Variants in HEXD observed in about 807,000 individuals in gnomAD.
HEXD encodes N-acetyl-beta-galactosaminidase.
Under a neutral mutation model 54.2 loss-of-function variants are expected in HEXD, and 47 were observed. The observed-to-expected ratio is 0.87, with a 90% CI of 0.69 to 1.11. The LOEUF (loss-of-function observed/expected upper bound fraction) is 1.11. Ranked by LOEUF, HEXD falls within the 50% of genes least tolerant of loss-of-function variation. HEXD has a pLI of 0.00. For synonymous variants in HEXD, 293 were observed against 287.6 expected (o/e 1.02, Z -0.19); for missense variants, 576 against 649.2 (o/e 0.89, Z 1.23).
intron 4 of HEXD, 27 bp downstream of exon 4, chr17:82,428,672 G>C: frequency 6.3e-7 from 1 of 1,598,208 alleles, no homozygotes; most frequent in Non-Finnish European, 8.6e-7. Flanking sequence ...GAAGTTACCT[G>C]GTGCCAGGTG....
intron 5 of HEXD, among the ~76,000 whole-genome samples, chr17:82,435,252 G>A (rs572064432): frequency 2.0e-4 from 30 of 152,264 alleles, no homozygotes; most frequent in East Asian, 1.2e-3. Context: ...AGGCCCCGGC[G>A]ACCACGGTCT....
At position 82,424,401 on chromosome 17, in the gene HEXD, C is replaced by T; in HGVS notation, c.92C>T (p.Pro31Leu). The change falls in exon 3 of 13, where the codon CCT becomes CTT. Residue 31 changes from proline to leucine, a missense_variant. By Grantham distance (98) the Pro-to-Leu change is moderately conservative (BLOSUM62 -3). Coordinates refer to ENST00000327949, the MANE Select transcript of HEXD (RefSeq NM_001330542.2). ...TCCCTGTTTACCCCCCAGATTTTTC[C>T]TCTGTTCCGTGCGCTAGGTGCAAAC... ...PKVSYLSEIF[P>L]LFRALGANGL... 1 of 1,613,480 alleles carries T rather than the reference C, an allele frequency of 6.2e-7. No homozygotes were observed. Among genetic ancestry groups the T allele is most frequent in the South Asian group, 1.1e-5 (1 of 91,050 alleles).
At chr17:82,418,766 C>G (rs1451721281) in intron 1 of HEXD, 26 bp downstream of exon 1, 2 of 153,090 alleles carry the variant, frequency 1.3e-5, no homozygotes, top group African/African-American at 4.8e-5. Context: ...GGCTCTGGCT[C>G]TGCGCGCTAG....
chr17:82,433,867 C>T (rs774387152), intron 5 of HEXD, 45 bp downstream of exon 5: 3 of 1,523,542 alleles, frequency 2.0e-6, no homozygotes, highest in African/African-American at 2.9e-5. Flanking sequence ...TCTCCCCTAT[C>T]ATGGCTTGTC....
At chr17:82,439,225 G>A (rs1479612374) in intron 8 of HEXD, among the ~76,000 whole-genome samples, 1 of 152,234 alleles carries the variant, frequency 6.6e-6, no homozygotes, top group African/African-American at 2.4e-5. Flanking sequence ...AGCCGAGGGA[G>A]AGGGTGGGGC....
intron 2 of HEXD, among the ~76,000 whole-genome samples, chr17:82,423,022 A>C (rs945905542): frequency 6.6e-6 from 1 of 151,438 alleles, no homozygotes; most frequent in Non-Finnish European, 1.5e-5. Flanking sequence ...GTGCCACTGC[A>C]CTCCATCCTG....
At chr17:82,419,648 A>G (rs1048365888) in intron 1 of HEXD, 101 bp from the exon 2 acceptor site, 1 of 526,610 alleles carries the variant, frequency 1.9e-6, no homozygotes, top group Non-Finnish European at 3.5e-6. Context: ...AAGTTAATCT[A>G]TCAAAACTGG....
chr17:82,436,734 C>T lies in HEXD; in HGVS notation c.699C>T (p.Gly233=). ...WDYTADLDVH[G]KVLLMQKYRR... The stretch of plus-strand genomic sequence containing the variant: ...ACACGGCCGACCTGGATGTGCACGG[C>T]AAGGGTCAGTGCCAAGTTGTGGGGG... Residue 233 remains glycine, a synonymous_variant, in exon 7 of 13, where the codon GGC becomes GGT. Coordinates refer to ENST00000327949, the MANE Select transcript of HEXD (RefSeq NM_001330542.2). 1 of 1,611,902 alleles carries T rather than the reference C, an allele frequency of 6.2e-7. No individual in the cohort carries two copies. Among genetic ancestry groups the T allele is most frequent in the Middle Eastern group, 1.7e-4 (1 of 5,992 alleles).
chr17:82,433,729 C>G lies in HEXD; in HGVS notation c.354C>G (p.His118Gln). 1 of 1,613,280 alleles carries G rather than the reference C, an allele frequency of 6.2e-7. No individual in the cohort carries two copies. Among genetic ancestry groups the G allele is most frequent in the Non-Finnish European group, 8.5e-7 (1 of 1,179,864 alleles). The change falls in exon 5 of 13, where the codon CAC becomes CAG. Residue 118 changes from histidine (H) to glutamine (Q), a missense_variant. By Grantham distance (24) the His-to-Gln change is conservative (BLOSUM62 0). Coordinates refer to ENST00000327949, the MANE Select transcript of HEXD (RefSeq NM_001330542.2). ...VGSFPCTLNP[H>Q]EAESLALVGA... ...CCTTCCCCTGCACCCTGAACCCCCA[C>G]GAGGCAGAGTCCCTGGCGCTGGTGG...
At chr17:82,420,713 G>A (rs1050382679) in intron 2 of HEXD, among the ~76,000 whole-genome samples, 5 of 152,152 alleles carry the variant, frequency 3.3e-5, no homozygotes, top group African/African-American at 1.2e-4. Flanking sequence ...GATTACAGGT[G>A]CCTGCCACCA....
chr17:82,440,974 G>C (rs753130916), intron 9 of HEXD, 23 bp from the exon 10 acceptor site: 2 of 1,612,684 alleles, frequency 1.2e-6, no homozygotes, highest in African/African-American at 1.3e-5. Context: ...CCCTCCAACC[G>C]CCCCGCTCAT....
At chr17:82,441,730 G>C (rs897234240) in intron 11 of HEXD, 70 bp from the exon 12 acceptor site, 1 of 1,139,894 alleles carries the variant, frequency 8.8e-7, no homozygotes, top group Non-Finnish European at 1.3e-6. Flanking sequence ...AACATTTTCT[G>C]TATTACTGCA....
At chr17:82,438,013 G>A (rs969001202) in intron 8 of HEXD, among the ~76,000 whole-genome samples, 33 of 152,282 alleles carry the variant, frequency 2.2e-4, no homozygotes, top group Non-Finnish European at 3.1e-4. Flanking sequence ...GAGACGGGTG[G>A]ATCACCTGAG....
intron 4 of HEXD, among the ~76,000 whole-genome samples, chr17:82,429,725 C>G (rs893015742): frequency 2.6e-5 from 4 of 152,190 alleles, no homozygotes; most frequent in African/African-American, 9.7e-5. Context: ...ACTGCACCTC[C>G]TCGATATCCA....
intron 4 of HEXD, among the ~76,000 whole-genome samples, chr17:82,433,091 A>AAAATAT (rs1555617647): frequency 1.5e-4 from 2 of 13,232 alleles, no homozygotes; most frequent in Non-Finnish European, 1.0e-4. Context: ...AAAAAAAAAA[A>AAAATAT]ATATATATAT....
At chr17:82,433,216 C>T (rs1041609895) in intron 4 of HEXD, among the ~76,000 whole-genome samples, 11 of 142,666 alleles carry the variant, frequency 7.7e-5, no homozygotes, top group Admixed American at 1.4e-4. Flanking sequence ...CCAAGGAAGG[C>T]GAATCACTTG....
At chr17:82,433,508 C>A (rs1309298547) in intron 4 of HEXD, 150 bp from the exon 5 acceptor site, 2 of 679,224 alleles carry the variant, frequency 2.9e-6, no homozygotes, top group Non-Finnish European at 4.6e-6. Flanking sequence ...CCTCAGCCCC[C>A]ACAAGGTGCT....
At chr17:82,441,995 GT>G in intron 12 of HEXD, 106 bp downstream of exon 12, 1 of 1,345,796 alleles carries the variant, frequency 7.4e-7, no homozygotes, top group South Asian at 1.2e-5. Context: ...GCCCCTAGTT[GT>G]AAAAGGCCCT....
In HEXD at chr17:82,437,243, G is replaced by C. The variant is rs777403959; in HGVS notation, c.779G>C (p.Gly260Ala). 5 of 1,611,380 alleles carry C rather than the reference G, an allele frequency of 3.1e-6. No homozygotes were observed. In the East Asian group the frequency reaches 1.1e-4, roughly 36 times the overall value. The change falls in exon 8 of 13, where the codon GGG (glycine) becomes GCG (alanine). Residue 260 changes from glycine (G) to alanine (A), a missense_variant. Coordinates refer to ENST00000327949, the MANE Select transcript of HEXD (RefSeq NM_001330542.2). ...GCCAGTGCCTTCAAGGGTGCCACGG[G>C]GCCCAGCCAGGCCGTGCCCCCTGTT... Reference protein sequence around the residue: ...WAASAFKGATGPSQAVPPVEH... With the variant: ...WAASAFKGATAPSQAVPPVEH...
Sources: gnomAD v4.1 joint callset for allele counts (sites outside exome capture counted in the v4.1 genomes callset) on GRCh38, gnomAD v4.1.1 for gene constraint, MANE v1.5 for transcripts, NCBI Gene and HGNC (gene_info 2026-07-23, HGNC 2026-07-21) for gene names.